The following UBE3A variants were observed in gnomAD, a reference collection of about 807,000 sequenced individuals.
UBE3A encodes the protein ubiquitin-protein ligase E3A.
In UBE3A, 6 loss-of-function variants were observed where a neutral mutation model predicts 83.4. That is an observed-to-expected ratio of 0.07 (90% CI 0.04 to 0.14). The LOEUF is 0.14. Among genes scored for constraint, UBE3A ranks in the 10% least tolerant of loss-of-function variants. The probability of loss-of-function intolerance (pLI) is 1.00; values close to 1 mark genes in which losing one functional copy is unlikely to be tolerated. For missense variants in UBE3A, 456 were observed against 1,036.1 expected (o/e 0.44, Z 7.69); for synonymous variants, 337 against 355.4 (o/e 0.95, Z 0.58).
chr15:25,391,445 T>C (rs940811972), intron 4 of UBE3A, among the ~76,000 whole-genome samples: 4 of 152,238 alleles, frequency 2.6e-5, no homozygotes, highest in Admixed American at 6.5e-5. Context: ...GTTACCACAA[T>C]TGTACCGTAC....
intron 3 of UBE3A, chr15:25,407,549 A>AT (rs1221448542): frequency 6.5e-6 from 1 of 152,878 alleles, no homozygotes; most frequent in Non-Finnish European, 1.5e-5. Flanking sequence ...GCAAGAGAAT[A>AT]TGTGAACTTT....
intron 6 of UBE3A, among the ~76,000 whole-genome samples, chr15:25,363,334 A>T (rs1304667424): frequency 6.6e-6 from 1 of 152,102 alleles, no homozygotes; most frequent in Non-Finnish European, 1.5e-5. Context: ...GCTTAAAAGT[A>T]CTAGCTGTTG....
chr15:25,419,381 T>C (rs1032612267), intron 1 of UBE3A: 4 of 152,162 alleles, frequency 2.6e-5, no homozygotes, highest in Non-Finnish European at 5.9e-5. Context: ...TGAAATTATA[T>C]TCTACAATTA....
chr15:25,423,062 T>C (rs1483951655), intron 1 of UBE3A, among the ~76,000 whole-genome samples: 1 of 151,924 alleles, frequency 6.6e-6, no homozygotes, highest in African/African-American at 2.4e-5. Flanking sequence ...CCAGAAACCA[T>C]AAAAGATGGA....
rs2073961076 is a variant in UBE3A at position 25,336,367 on chromosome 15, TG to T, written c.*2769del. ...GACGACATTTCTTCCTCTGACAGTT[TG>T]TATGGAATTCTTGAGAAAAATTCCT... On this transcript the variant is annotated 3_prime_UTR_variant, in exon 13 of 13. Coordinates refer to ENST00000648336, the MANE Select transcript of UBE3A (RefSeq NM_130839.5). 1 of 152,158 alleles carries T rather than the reference TG, an allele frequency of 6.6e-6. No individual in the cohort carries two copies. Among genetic ancestry groups the T allele is most frequent in the South Asian group, 2.1e-4 (1 of 4,828 alleles). The allele number at this position is 152,158 out of a possible 1,614,324, so 9.4% of individuals were successfully genotyped here. A position where few individuals can be genotyped will look rare whatever the true frequency, so the allele number is the denominator to read the frequency against.
chr15:25,420,549 A>G (rs1471078599), intron 1 of UBE3A: 1 of 152,216 alleles, frequency 6.6e-6, no homozygotes, highest in South Asian at 2.1e-4. Flanking sequence ...CAGACACACA[A>G]AAGAAAACTT....
rs1203042289 is a variant in UBE3A at position 25,375,462 on chromosome 15, T to C, written c.361+3A>G. ...ATTCTCAATTGAAAATAAAACATCTTACCTTTAAAATCAATTCTAGCGCCT... is the reference window on the plus strand; with the variant it reads ...ATTCTCAATTGAAAATAAAACATCTCACCTTTAAAATCAATTCTAGCGCCT... On this transcript the variant is annotated splice_donor_region_variant and intron_variant, in intron 5 of 12. Coordinates refer to ENST00000648336, the MANE Select transcript of UBE3A (RefSeq NM_130839.5). 3 of 1,613,864 alleles carry C rather than the reference T, an allele frequency of 1.9e-6. No homozygotes were observed. In the South Asian group the frequency reaches 3.3e-5, roughly 18 times the overall value.
chr15:25,347,353 T>C (rs1353303162), intron 11 of UBE3A: 1 of 152,130 alleles, frequency 6.6e-6, no homozygotes, highest in Non-Finnish European at 1.5e-5. Flanking sequence ...TGAATGGTGG[T>C]AAGTCACATT....
intron 3 of UBE3A, chr15:25,408,459 T>A (rs997167614): frequency 3.3e-5 from 33 of 1,010,958 alleles, no homozygotes; most frequent in Non-Finnish European, 4.8e-5. Flanking sequence ...TCAGAAATTT[T>A]AAAACTGAAA....
chr15:25,355,359 A>G (rs1029237482), intron 9 of UBE3A, among the ~76,000 whole-genome samples: 1 of 152,194 alleles, frequency 6.6e-6, no homozygotes, highest in Non-Finnish European at 1.5e-5. Context: ...TCAAAAAATT[A>G]TATCAATATA....
At chr15:25,346,845 G>C (rs1336070571) in intron 11 of UBE3A, 2 of 152,158 alleles carry the variant, frequency 1.3e-5, no homozygotes, top group African/African-American at 4.8e-5. Context: ...GGTCCATGTG[G>C]AACAGTAACA....
Position 25,338,405 on chromosome 15 carries a change from C to A in UBE3A, c.*732G>T, listed in dbSNP as rs2074173088. On this transcript the variant is annotated 3_prime_UTR_variant, in exon 13 of 13. Transcript: ENST00000648336. ...TACTGAAACAGTTCATTGCAAGACACATGAAGACGACATACTGTGGCATGA... is the reference window on the plus strand; with the variant it reads ...TACTGAAACAGTTCATTGCAAGACAAATGAAGACGACATACTGTGGCATGA... The A allele has an allele frequency of 6.6e-6, 1 of 151,614 alleles. No individual in the cohort carries two copies. The highest frequency in any genetic ancestry group is 2.1e-4 in the South Asian group (1 of 4,800). 9.4% of individuals were successfully genotyped at this position (151,614 alleles called of 1,614,324 possible). A position where few individuals can be genotyped will look rare whatever the true frequency, so the allele number is the denominator to read the frequency against.
intron 6 of UBE3A, among the ~76,000 whole-genome samples, chr15:25,367,240 T>C (rs532132651): frequency 1.8e-4 from 14 of 78,450 alleles, no homozygotes; most frequent in South Asian, 1.6e-3. Flanking sequence ...TGTAAATATG[T>C]AAATATTTGC....
Position 25,339,112 on chromosome 15 carries a change from T to C in UBE3A, c.*25A>G, listed in dbSNP as rs2074279734. On this transcript the variant is annotated 3_prime_UTR_variant, in exon 13 of 13. Transcript: ENST00000648336. ...TTTCTTTTTTTTTCCTTCCTTTTTT[T>C]TGTTTTATTTTGTTTTGTTTTGTTT... The C allele has an allele frequency of 6.8e-7, 1 of 1,465,100 alleles. No individual in the cohort carries two copies. Among genetic ancestry groups the C allele is most frequent in the African/African-American group, 1.4e-5 (1 of 69,694 alleles). The allele number at this position is 1,465,100 out of a possible 1,614,324, so 90.8% of individuals were successfully genotyped here.
chr15:25,412,423 T>G (rs1476064531), intron 1 of UBE3A, among the ~76,000 whole-genome samples: 2 of 152,206 alleles, frequency 1.3e-5, no homozygotes, highest in Non-Finnish European at 2.9e-5. Flanking sequence ...CCTCTGACCC[T>G]TGAGTCTCCA....
chr15:25,335,325 T>C lies in UBE3A; in HGVS notation c.*3812A>G, dbSNP rs900807286. 1.3e-5 allele frequency: 2 copies of C among 152,260 alleles called. No individual in the cohort carries two copies. Among genetic ancestry groups the C allele is most frequent in the African/African-American group, 4.8e-5 (2 of 41,438 alleles). 9.4% of individuals were successfully genotyped at this position (152,260 alleles called of 1,614,324 possible). A position where few individuals can be genotyped will look rare whatever the true frequency, so the allele number is the denominator to read the frequency against. On this transcript the variant is annotated 3_prime_UTR_variant, in exon 13 of 13. Coordinates refer to ENST00000648336, the MANE Select transcript of UBE3A (RefSeq NM_130839.5). The stretch of plus-strand genomic sequence containing the variant: ...CTGGGTAGGAATGCAGCGAGGAAAG[T>C]GTGTAACACAAGGCCAAATTGGAAA...
intron 6 of UBE3A, among the ~76,000 whole-genome samples, chr15:25,367,891 T>C (rs974109948): frequency 3.3e-5 from 5 of 152,074 alleles, no homozygotes; most frequent in Non-Finnish European, 7.4e-5. Flanking sequence ...ACAGAAAACA[T>C]ACAAGAGTCT....
Position 25,385,438 on chromosome 15 carries a change from G to T in UBE3A, c.63-9675C>A, listed in dbSNP as rs28808105. ...TAGGATGGCCACCATTAAAAAAACAGAAAATAAGTATTGGTGAAGATATGG... is the reference window on the plus strand; with the variant it reads ...TAGGATGGCCACCATTAAAAAAACATAAAATAAGTATTGGTGAAGATATGG... On this transcript the variant is annotated intron_variant, in intron 4 of 12. Coordinates refer to ENST00000648336, the MANE Select transcript of UBE3A (RefSeq NM_130839.5). 4.5e-3 allele frequency among the ~76,000 whole-genome samples: 692 copies of T among 152,108 alleles called. 2 individuals are homozygous for T. Among genetic ancestry groups the T allele is most frequent in the African/African-American group, 0.015 (614 of 41,482 alleles).
chr15:25,351,527 T>C (rs1032920231), intron 11 of UBE3A, among the ~76,000 whole-genome samples: 34 of 152,350 alleles, frequency 2.2e-4, no homozygotes, highest in African/African-American at 7.7e-4. Context: ...TGGAGTGCAG[T>C]GGCACGATCT....
Sources: gnomAD v4.1 joint callset for allele counts (sites outside exome capture counted in the v4.1 genomes callset) on GRCh38, gnomAD v4.1.1 for gene constraint, MANE v1.5 for transcripts, NCBI Gene and HGNC (gene_info 2026-07-23, HGNC 2026-07-21) for gene names.